Variants in KLRK1 observed in about 807,000 individuals in gnomAD.
The protein encoded by KLRK1 is killer cell lectin like receptor K1.
KLRK1 carries 40 observed loss-of-function variants against 31.3 expected under a neutral mutation model. The ratio of observed to expected loss-of-function variants is 1.28; its 90% CI spans 0.99 to 1.67. The LOEUF (loss-of-function observed/expected upper bound fraction) is 1.67. Among genes scored for constraint, KLRK1 ranks in the 40% most tolerant of loss-of-function variants. The pLI, the probability that KLRK1 is intolerant of heterozygous loss-of-function variation, is 0.00. For missense variants in KLRK1, 251 were observed against 260.0 expected (o/e 0.97, Z 0.24); for synonymous variants, 77 against 77.3 (o/e 1.00, Z 0.02).
At chr12:10,378,880 G>T in intron 5 of KLRK1, 175 bp from the exon 6 acceptor site, 1 of 733,428 alleles carries the variant, frequency 1.4e-6, no homozygotes, top group Non-Finnish European at 2.0e-6. Flanking sequence ...CAGGCTGGGT[G>T]TGGTGTCTCA....
chr12:10,378,323 C>T, intron 6 of KLRK1, 88 bp from the exon 7 acceptor site: 1 of 1,436,742 alleles, frequency 7.0e-7, no homozygotes, highest in Non-Finnish European at 9.6e-7. Context: ...TCTGTTCTCA[C>T]ACTTGTAAAA....
chr12:10,381,998 G>GCT (rs897219564), intron 3 of KLRK1: 15 of 152,194 alleles, frequency 9.9e-5, no homozygotes, highest in African/African-American at 3.4e-4. Context: ...CTCATATGGG[G>GCT]AGCATTTTGA....
At chr12:10,373,349 G>A (rs1591577143) in intron 7 of KLRK1, 118 bp from the exon 8 acceptor site, 1 of 762,498 alleles carries the variant, frequency 1.3e-6, no homozygotes, top group African/African-American at 1.8e-5. Context: ...GGAGATTATG[G>A]ACCATGCCTG....
chr12:10,388,457 C>T (rs1204010657), intron 2 of KLRK1, among the ~76,000 whole-genome samples: 1 of 152,106 alleles, frequency 6.6e-6, no homozygotes, highest in Admixed American at 6.6e-5. Context: ...CAAATTGACC[C>T]TTCAAATCTA....
intron 2 of KLRK1, 38 bp downstream of exon 2, chr12:10,388,733 T>C (rs2137823249): frequency 6.2e-7 from 1 of 1,613,050 alleles, no homozygotes; most frequent in East Asian, 2.2e-5. Flanking sequence ...TAAAATTGTA[T>C]AAAAACAAAA....
chr12:10,374,960 A>G (rs1862936466), intron 7 of KLRK1, among the ~76,000 whole-genome samples: 1 of 152,230 alleles, frequency 6.6e-6, no homozygotes, highest in Non-Finnish European at 1.5e-5. Flanking sequence ...GCTTCTGAAA[A>G]AAAATTTTGT....
intron 2 of KLRK1, 84 bp downstream of exon 2, chr12:10,388,687 T>C: frequency 6.6e-7 from 1 of 1,523,324 alleles, no homozygotes; most frequent in Non-Finnish European, 9.1e-7. Flanking sequence ...ATTGCTTGCC[T>C]ATGCCTTATA....
chr12:10,375,974 A>G (rs1862957262), intron 7 of KLRK1, among the ~76,000 whole-genome samples: 1 of 152,226 alleles, frequency 6.6e-6, no homozygotes, highest in East Asian at 1.9e-4. Flanking sequence ...TTCACCGGAC[A>G]CAGAAATGGA....
chr12:10,377,068 C>T (rs370160412), intron 7 of KLRK1, among the ~76,000 whole-genome samples: 11 of 152,256 alleles, frequency 7.2e-5, no homozygotes, highest in African/African-American at 2.4e-4. Flanking sequence ...CTGCCTGCCT[C>T]GGCCTCCCAA....
At chr12:10,388,674 T>C in intron 2 of KLRK1, 97 bp downstream of exon 2, 1 of 1,339,164 alleles carries the variant, frequency 7.5e-7, no homozygotes, top group Non-Finnish European at 1.1e-6. Context: ...AGAATCAGAG[T>C]AAATTGCTTG....
intron 3 of KLRK1, among the ~76,000 whole-genome samples, chr12:10,380,043 A>AT (rs75909190): frequency 0.75 from 105,670 of 140,548 alleles, 40,398 homozygotes; most frequent in South Asian, 0.88. Context: ...TATGCTTATG[A>AT]TTTTTTGTTG....
At chr12:10,388,515 T>C (rs1863208452) in intron 2 of KLRK1, among the ~76,000 whole-genome samples, 2 of 152,160 alleles carry the variant, frequency 1.3e-5, no homozygotes, top group Non-Finnish European at 2.9e-5. Flanking sequence ...TCCACATCTA[T>C]TTCACTATTT....
At chr12:10,386,859 C>A in intron 3 of KLRK1, 44 bp downstream of exon 3, 1 of 1,477,474 alleles carries the variant, frequency 6.8e-7, no homozygotes, top group Non-Finnish European at 9.2e-7. Context: ...TTCCAAGATT[C>A]ATTTCAATAT....
At chr12:10,385,367 G>GACACACACACACACACACACACAC (rs3055416) in intron 3 of KLRK1, among the ~76,000 whole-genome samples, 96 of 145,822 alleles carry the variant, frequency 6.6e-4, no homozygotes, top group African/African-American at 2.0e-3. Context: ...AGCACACACA[G>GACACACACACACACACACACACAC]ACACACACAC....
In KLRK1 at chr12:10,379,793, C is replaced by G. The variant is rs2137809476; in HGVS notation, c.149-1G>C. ...AAGCAGCAGAAAAAAAATGGAGATG[C>G]TGTCAAAGAAAAAAGACACAGATCA... is the stretch of plus-strand genomic sequence containing the variant. On this transcript the variant is annotated splice_acceptor_variant, in intron 3 of 7. Transcript: ENST00000240618. LOFTEE classifies it high-confidence loss of function. 1 of 1,609,448 alleles carries G rather than the reference C, an allele frequency of 6.2e-7. No individual in the cohort carries two copies. The highest frequency in any genetic ancestry group is 2.2e-5 in the East Asian group (1 of 44,636).
rs1226089316 is a variant in KLRK1, at chr12:10,378,603, C to A, written c.380G>T (p.Cys127Phe). 6.2e-7 allele frequency: 1 copy of A among 1,612,328 alleles called. No homozygotes were observed. Among genetic ancestry groups the A allele is most frequent in the African/African-American group, 1.3e-5 (1 of 74,838 alleles). The stretch of plus-strand genomic sequence containing the variant: ...CAGAAGGCTGGCATTTTGAGACATA[C>A]AAGAAGCCTGGCTCTCATACCAGTT... ...SKNWYESQAS[C>F]MSQNASLLKV... The change falls in exon 6 of 8, where the codon TGT (cysteine) becomes TTT (phenylalanine). Residue 127 changes from cysteine to phenylalanine, a missense_variant. Cys to Phe is a radical substitution (Grantham distance 205, BLOSUM62 -2). Coordinates refer to ENST00000240618, the MANE Select transcript of KLRK1 (RefSeq NM_007360.4).
At chr12:10,377,244 A>G (rs1862984153) in intron 7 of KLRK1, among the ~76,000 whole-genome samples, 1 of 152,254 alleles carries the variant, frequency 6.6e-6, no homozygotes, top group South Asian at 2.1e-4. Context: ...ACCACTTTGG[A>G]TAACAGTGTG....
At chr12:10,374,395 C>CTTT (rs1412379809) in intron 7 of KLRK1, among the ~76,000 whole-genome samples, 14 of 93,964 alleles carry the variant, frequency 1.5e-4, no homozygotes, top group African/African-American at 5.4e-4. Context: ...TTTCCTCTCT[C>CTTT]TCTTTTTTTT....
Position 10,388,310 on chromosome 12 carries a change from T to C in KLRK1, c.40+461A>G, listed in dbSNP as rs565956283. ...CAACTGTGAATAAGTTATAAATTTA[T>C]AAACACCTTTAGGATAAAAAGTGCT... On this transcript the variant is annotated intron_variant, in intron 2 of 7. Transcript: ENST00000240618. 1.1e-3 allele frequency among the ~76,000 whole-genome samples: 162 copies of C among 152,338 alleles called. 5 individuals carry two copies. The highest frequency in any genetic ancestry group is 1.1e-3 in the Non-Finnish European group (75 of 68,034).
Sources: gnomAD v4.1 joint callset for allele counts (sites outside exome capture counted in the v4.1 genomes callset) on GRCh38, gnomAD v4.1.1 for gene constraint, MANE v1.5 for transcripts, NCBI Gene and HGNC (gene_info 2026-07-23, HGNC 2026-07-21) for gene names.